TAF3: variants seen among roughly 807,000 people sequenced by gnomAD.
TAF3 encodes the protein transcription initiation factor TFIID subunit 3.
A neutral mutation model predicts 80.6 loss-of-function variants in TAF3; 7 were observed. The observed-to-expected ratio is 0.09, with a 90% confidence interval of 0.05 to 0.16. TAF3 has a LOEUF of 0.16. Among genes scored for constraint, TAF3 ranks in the 10% least tolerant of loss-of-function variants. The probability of loss-of-function intolerance (pLI) is 1.00; values close to 1 mark genes in which losing one functional copy is unlikely to be tolerated. For missense variants in TAF3, 921 were observed against 1,140.2 expected, an observed-to-expected ratio of 0.81 and a Z score of 2.77; for synonymous variants, 444 against 446.1, an observed-to-expected ratio of 1.00 and a Z score of 0.06.
intron 2 of TAF3, among the ~76,000 whole-genome samples, chr10:7,846,139 G>A (rs1031075571): frequency 1.2e-4 from 18 of 151,678 alleles, no homozygotes; most frequent in Admixed American, 3.9e-4. Flanking sequence ...TTTGTGTTTT[G>A]GTAGAGATGG....
intron 2 of TAF3, among the ~76,000 whole-genome samples, chr10:7,837,935 C>T (rs1485380031): frequency 2.0e-5 from 3 of 152,192 alleles, no homozygotes; most frequent in Non-Finnish European, 4.4e-5. Flanking sequence ...GCATGGCTTT[C>T]AGTTGCTAAA....
chr10:7,893,314 G>T (rs1367274079), intron 2 of TAF3, among the ~76,000 whole-genome samples: 1 of 152,116 alleles, frequency 6.6e-6, no homozygotes, highest in Admixed American at 6.6e-5. Context: ...ATTAGTACAA[G>T]CCTAATAGAG....
At chr10:7,832,543 C>CTTATTTAT (rs200607141) in intron 2 of TAF3, among the ~76,000 whole-genome samples, 4 of 151,988 alleles carry the variant, frequency 2.6e-5, no homozygotes, top group African/African-American at 7.2e-5. Flanking sequence ...TCATTTCTTT[C>CTTATTTAT]TTATTTATTT....
At chr10:7,973,308 T>G (rs1192889068) in intron 3 of TAF3, among the ~76,000 whole-genome samples, 1 of 152,248 alleles carries the variant, frequency 6.6e-6, no homozygotes, top group Non-Finnish European at 1.5e-5. Context: ...AGCTTTATTT[T>G]AAAATCGAGC....
intron 2 of TAF3, among the ~76,000 whole-genome samples, chr10:7,946,566 T>C (rs962866936): frequency 2.6e-5 from 4 of 151,964 alleles, no homozygotes; most frequent in Non-Finnish European, 5.9e-5. Context: ...TGTATGAAAA[T>C]ACAAAAATTA....
chr10:7,992,500 G>GC (rs1554788408), intron 4 of TAF3, among the ~76,000 whole-genome samples: 28 of 152,156 alleles, frequency 1.8e-4, no homozygotes, highest in South Asian at 1.2e-3. Context: ...AGTTCAAGGT[G>GC]ATTACTCCCA....
chr10:7,975,841 A>G (rs1212110015), intron 3 of TAF3, among the ~76,000 whole-genome samples: 1 of 152,222 alleles, frequency 6.6e-6, no homozygotes, highest in Non-Finnish European at 1.5e-5. Context: ...ATACTGTTCA[A>G]TTATGATGTA....
chr10:7,889,926 C>T (rs1837442934), intron 2 of TAF3, among the ~76,000 whole-genome samples: 1 of 152,204 alleles, frequency 6.6e-6, no homozygotes, highest in African/African-American at 2.4e-5. Context: ...CAGTTACACC[C>T]TCTTCCAGTG....
chr10:7,985,417 A>G (rs1564377501), intron 4 of TAF3, among the ~76,000 whole-genome samples: 1 of 151,984 alleles, frequency 6.6e-6, no homozygotes, highest in East Asian at 1.9e-4. Flanking sequence ...ATTTTTGTCC[A>G]GCCTTTCATT....
intron 2 of TAF3, among the ~76,000 whole-genome samples, chr10:7,860,834 C>G (rs554729564): frequency 6.7e-6 from 1 of 150,276 alleles, no homozygotes; most frequent in South Asian, 2.1e-4. Context: ...GAGTCTCGCT[C>G]TGTCACCCAG....
chr10:7,975,896 T>C (rs1055058238), intron 3 of TAF3, among the ~76,000 whole-genome samples: 2 of 152,220 alleles, frequency 1.3e-5, no homozygotes, highest in Non-Finnish European at 2.9e-5. Flanking sequence ...AGCTAGTCAG[T>C]GACTAACAGT....
intron 2 of TAF3, among the ~76,000 whole-genome samples, chr10:7,924,431 G>A (rs1472098762): frequency 1.3e-5 from 2 of 152,142 alleles, no homozygotes; most frequent in Admixed American, 6.5e-5. Context: ...TCATTTGGGA[G>A]TTTGAAATTC....
intron 2 of TAF3, among the ~76,000 whole-genome samples, chr10:7,945,630 A>C (rs1838017475): frequency 6.6e-6 from 1 of 151,868 alleles, no homozygotes; most frequent in Non-Finnish European, 1.5e-5. Flanking sequence ...CCACCCGGCT[A>C]CATCCTGAGA....
At chr10:7,935,127 A>G (rs187211821) in intron 2 of TAF3, among the ~76,000 whole-genome samples, 28 of 152,132 alleles carry the variant, frequency 1.8e-4, no homozygotes, top group Admixed American at 1.8e-3. Context: ...AAATACAAAA[A>G]TCAGCTGTGC....
chr10:7,973,234 A>G (rs891373759), intron 3 of TAF3, among the ~76,000 whole-genome samples: 1 of 152,250 alleles, frequency 6.6e-6, no homozygotes, highest in African/African-American at 2.4e-5. Context: ...TTATGGTAAT[A>G]AAAATGGGCC....
intron 2 of TAF3, among the ~76,000 whole-genome samples, chr10:7,863,909 T>G (rs1214995663): frequency 6.6e-6 from 1 of 151,862 alleles, no homozygotes; most frequent in African/African-American, 2.4e-5. Context: ...ATACATAGTT[T>G]TTTTCTTTAA....
intron 2 of TAF3, among the ~76,000 whole-genome samples, chr10:7,872,363 A>T (rs1261830557): frequency 6.6e-6 from 1 of 152,134 alleles, no homozygotes; most frequent in Non-Finnish European, 1.5e-5. Context: ...TCTTTGTGGC[A>T]GAGTTTGTGG....
intron 2 of TAF3, among the ~76,000 whole-genome samples, chr10:7,955,169 A>G (rs1048008209): frequency 6.6e-6 from 1 of 152,246 alleles, no homozygotes. Flanking sequence ...TGAAAAAAGT[A>G]TGCTTTTTTG....
intron 2 of TAF3, among the ~76,000 whole-genome samples, chr10:7,880,491 T>C (rs985119446): frequency 4.6e-5 from 7 of 152,204 alleles, no homozygotes; most frequent in Non-Finnish European, 7.4e-5. Context: ...TGCCACAGTA[T>C]TGAAGAGAAG....
Sources: gnomAD v4.1 joint callset for allele counts (sites outside exome capture counted in the v4.1 genomes callset) on GRCh38, gnomAD v4.1.1 for gene constraint, MANE v1.5 for transcripts, NCBI Gene and HGNC (gene_info 2026-07-23, HGNC 2026-07-21) for gene names.